Variants in PXDNL observed in about 807,000 individuals in gnomAD.
PXDNL encodes peroxidasin like.
PXDNL carries 145 observed loss-of-function variants against 150.8 expected under a neutral mutation model. The observed-to-expected ratio is 0.96, with a 90% CI of 0.84 to 1.10. The LOEUF is 1.10. Among genes scored for constraint, PXDNL ranks in the 50% least tolerant of loss-of-function variants. The probability of loss-of-function intolerance (pLI) is 0.00; values close to 1 mark genes in which losing one functional copy is unlikely to be tolerated. For synonymous variants in PXDNL, 757 were observed against 725.7 expected (o/e 1.04, Z -0.69); for missense variants, 2,087 against 1,873.9 (o/e 1.11, Z -2.10).
At chr8:51,579,980 A>G (rs1361018404) in intron 3 of PXDNL, among the ~76,000 whole-genome samples, 1 of 150,540 alleles carries the variant, frequency 6.6e-6, no homozygotes, top group Admixed American at 6.6e-5. Flanking sequence ...CATTGTGCAC[A>G]TGTACACTAA....
At chr8:51,401,348 C>G (rs180755457) in intron 17 of PXDNL, among the ~76,000 whole-genome samples, 1 of 152,104 alleles carries the variant, frequency 6.6e-6, no homozygotes, top group African/African-American at 2.4e-5. Flanking sequence ...TTCATCAGTG[C>G]ACCATATGCA....
At chr8:51,516,534 G>A (rs1811543915) in intron 4 of PXDNL, among the ~76,000 whole-genome samples, 1 of 152,156 alleles carries the variant, frequency 6.6e-6, no homozygotes, top group Non-Finnish European at 1.5e-5. Context: ...GTTTGTTGAT[G>A]GCGCTTTATT....
intron 7 of PXDNL, among the ~76,000 whole-genome samples, chr8:51,473,959 A>G (rs1354961397): frequency 1.3e-5 from 2 of 152,188 alleles, no homozygotes; most frequent in African/African-American, 2.4e-5. Context: ...CTGGGATATC[A>G]GTTAAGATGT....
intron 1 of PXDNL, among the ~76,000 whole-genome samples, chr8:51,766,788 G>A (rs1369709689): frequency 1.3e-5 from 2 of 151,930 alleles, no homozygotes; most frequent in Non-Finnish European, 2.9e-5. Context: ...GTCTTTCTAG[G>A]GATGGATCGC....
chr8:51,461,990 C>T (rs1221449020), intron 8 of PXDNL, among the ~76,000 whole-genome samples: 2 of 152,170 alleles, frequency 1.3e-5, no homozygotes, highest in Non-Finnish European at 2.9e-5. Flanking sequence ...TCTTTCAGCA[C>T]ATATCACCCA....
intron 8 of PXDNL, among the ~76,000 whole-genome samples, chr8:51,468,575 G>A (rs940477822): frequency 2.6e-5 from 4 of 151,728 alleles, no homozygotes; most frequent in African/African-American, 4.8e-5. Flanking sequence ...CTGTTTTCAC[G>A]AATGTATTTA....
chr8:51,546,096 T>A (rs1221947514), intron 4 of PXDNL, among the ~76,000 whole-genome samples: 1 of 152,112 alleles, frequency 6.6e-6, no homozygotes, highest in East Asian at 1.9e-4. Flanking sequence ...TAGGAACATA[T>A]GAGGAAAACC....
At chr8:51,583,217 G>A (rs1370480762) in intron 3 of PXDNL, among the ~76,000 whole-genome samples, 12 of 151,966 alleles carry the variant, frequency 7.9e-5, no homozygotes, top group Admixed American at 7.9e-4. Context: ...GTTTTATTTT[G>A]GCTCCCAGTT....
At chr8:51,767,554 T>C (rs922728977) in intron 1 of PXDNL, among the ~76,000 whole-genome samples, 2 of 152,194 alleles carry the variant, frequency 1.3e-5, no homozygotes, top group Non-Finnish European at 2.9e-5. Flanking sequence ...TATATGTATG[T>C]GTCCTGAGGC....
intron 17 of PXDNL, among the ~76,000 whole-genome samples, chr8:51,380,813 A>G (rs1807508721): frequency 6.6e-6 from 1 of 152,162 alleles, no homozygotes; most frequent in Non-Finnish European, 1.5e-5. Flanking sequence ...TTTTTCCTAG[A>G]ATTCTAACAG....
At chr8:51,644,390 G>GTGTGTATATATACACATA (rs1454512942) in intron 2 of PXDNL, among the ~76,000 whole-genome samples, 8 of 28,532 alleles carry the variant, frequency 2.8e-4, no homozygotes, top group African/African-American at 8.0e-4. Flanking sequence ...ACACACATAT[G>GTGTGTATATATACACATA]TGTATATATA....
intron 4 of PXDNL, among the ~76,000 whole-genome samples, chr8:51,520,398 G>T (rs374813288): frequency 8.5e-5 from 13 of 152,078 alleles, no homozygotes; most frequent in African/African-American, 2.4e-4. Flanking sequence ...AGGGACTGGG[G>T]CAGGGAAGTG....
At chr8:51,615,661 T>C (rs1447450788) in intron 2 of PXDNL, among the ~76,000 whole-genome samples, 4 of 152,200 alleles carry the variant, frequency 2.6e-5, no homozygotes, top group African/African-American at 9.6e-5. Flanking sequence ...TTTCAAAGCT[T>C]CAATCACTGG....
At chr8:51,453,393 G>T in intron 10 of PXDNL, 126 bp downstream of exon 10, 1 of 1,034,292 alleles carries the variant, frequency 9.7e-7, no homozygotes, top group South Asian at 1.7e-5. Context: ...AAATCTTATT[G>T]TGTCAAAAAA....
chr8:51,498,111 A>G (rs1207869243), intron 5 of PXDNL, among the ~76,000 whole-genome samples: 5 of 151,926 alleles, frequency 3.3e-5, no homozygotes, highest in Non-Finnish European at 7.4e-5. Context: ...ATAAAAAGTG[A>G]TGAGTTCATG....
chr8:51,344,167 T>C (rs1221213707), intron 20 of PXDNL, among the ~76,000 whole-genome samples: 1 of 152,120 alleles, frequency 6.6e-6, no homozygotes, highest in African/African-American at 2.4e-5. Flanking sequence ...TATAGTGCCG[T>C]GATCGTAATT....
In PXDNL at chr8:51,752,874, G is replaced by T. The variant is rs772419468; in HGVS notation, c.164+56307C>A. On this transcript the variant is annotated intron_variant, in intron 1 of 22. Transcript: ENST00000356297. ...GAATACTTTCCACATTATAAAGTCT[G>T]CTCACAGAGAATGAGCATCCATGGG... Among the ~76,000 whole-genome samples, 12 of 152,314 alleles carry T rather than the reference G, an allele frequency of 7.9e-5. No individual in the cohort carries two copies. The South Asian group carries it at 8.3e-4, about 11-fold the overall frequency.
Position 51,372,054 on chromosome 8 carries a change from A to G in PXDNL, c.3720T>C (p.Phe1240=). 1.9e-6 allele frequency: 3 copies of G among 1,600,706 alleles called. No homozygotes were observed. The highest frequency in any genetic ancestry group is 2.6e-6 in the Non-Finnish European group (3 of 1,173,298). Residue 1240 remains phenylalanine, a synonymous_variant, in exon 19 of 23, where the codon TTT becomes TTC. Transcript: ENST00000356297. ...DRFWYENPGV[F]TPAQLTQLKQ... is the part of the protein sequence containing the mutation. Reference sequence around the variant, plus strand: ...TCAGCTGAGTGAGTTGTGCCGGGGTAAATACTCCAGGGTTTTCATACCAGA... The same window carrying G: ...TCAGCTGAGTGAGTTGTGCCGGGGTGAATACTCCAGGGTTTTCATACCAGA...
intron 4 of PXDNL, among the ~76,000 whole-genome samples, chr8:51,532,978 A>C (rs1015547129): frequency 2.0e-5 from 3 of 147,566 alleles, no homozygotes; most frequent in African/African-American, 5.1e-5. Context: ...AATTGAATCA[A>C]GTAGGAAAAA....
Sources: allele counts gnomAD v4.1 joint callset (sites outside exome capture counted in the v4.1 genomes callset), GRCh38; gene constraint gnomAD v4.1.1; transcripts MANE v1.5; gene names NCBI Gene and HGNC (gene_info 2026-07-23, HGNC 2026-07-21).